TAF3: variants seen among roughly 807,000 people sequenced by gnomAD.
TAF3 encodes TATA-box binding protein associated factor 3, also known as transcription initiation factor TFIID subunit 3.
TAF3 carries 7 observed loss-of-function variants against 80.6 expected under a neutral mutation model. That is an observed-to-expected ratio of 0.09 (90% confidence interval 0.05 to 0.16). The LOEUF is 0.16. Ranked by LOEUF, TAF3 falls within the 10% of genes least tolerant of loss-of-function variation. The probability of loss-of-function intolerance (pLI) is 1.00; values close to 1 mark genes in which losing one functional copy is unlikely to be tolerated. For missense variants in TAF3, 921 were observed against 1,140.2 expected (o/e 0.81, Z 2.77); for synonymous variants, 444 against 446.1 (o/e 1.00, Z 0.06).
intron 2 of TAF3, among the ~76,000 whole-genome samples, chr10:7,851,508 C>CT (rs150789361): frequency 1.6e-4 from 24 of 149,304 alleles, no homozygotes; most frequent in South Asian, 4.2e-4. Flanking sequence ...GTTAAAACAA[C>CT]TTTTTTTTTT....
intron 2 of TAF3, among the ~76,000 whole-genome samples, chr10:7,903,134 C>T (rs779524140): frequency 2.6e-5 from 4 of 152,136 alleles, no homozygotes; most frequent in Non-Finnish European, 5.9e-5. Context: ...GTGGGAGGAT[C>T]GCTTGAGCCT....
At chr10:8,006,323 T>C (rs1006232262) in intron 4 of TAF3, among the ~76,000 whole-genome samples, 13 of 150,044 alleles carry the variant, frequency 8.7e-5, no homozygotes, top group African/African-American at 3.2e-4. Flanking sequence ...TTGCAGTGAG[T>C]CAAGACTGCG....
chr10:7,935,632 A>C (rs1253224132), intron 2 of TAF3, among the ~76,000 whole-genome samples: 4 of 152,172 alleles, frequency 2.6e-5, no homozygotes, highest in Admixed American at 2.6e-4. Context: ...GTAGAGGGCC[A>C]GAGAATACTG....
chr10:7,937,829 C>CT (rs560672305), intron 2 of TAF3, among the ~76,000 whole-genome samples: 1 of 152,122 alleles, frequency 6.6e-6, no homozygotes, highest in African/African-American at 2.4e-5. Context: ...AAAAGGGGTA[C>CT]TTTTTTTATG....
chr10:7,927,508 C>T (rs1438849704), intron 2 of TAF3, among the ~76,000 whole-genome samples: 1 of 152,198 alleles, frequency 6.6e-6, no homozygotes, highest in African/African-American at 2.4e-5. Context: ...TCCTTTCTTC[C>T]CTCCTCCACC....
chr10:7,901,835 G>A (rs1837561157), intron 2 of TAF3, among the ~76,000 whole-genome samples: 1 of 152,090 alleles, frequency 6.6e-6, no homozygotes, highest in Non-Finnish European at 1.5e-5. Context: ...TCAGAAAATA[G>A]GTATTTTCAT....
At chr10:7,833,543 G>A (rs925471298) in intron 2 of TAF3, 1 of 153,334 alleles carries the variant, frequency 6.5e-6, no homozygotes, top group Admixed American at 6.5e-5. Flanking sequence ...TCTTTCTGTA[G>A]GGTTTTCTTT....
chr10:7,824,284 C>T, intron 1 of TAF3, 34 bp from the exon 2 acceptor site: 2 of 1,576,970 alleles, frequency 1.3e-6, no homozygotes, highest in South Asian at 1.2e-5. Context: ...GGGATTTCTT[C>T]AAATAATTTG....
intron 2 of TAF3, among the ~76,000 whole-genome samples, chr10:7,959,042 A>T (rs1838164088): frequency 6.6e-6 from 1 of 152,040 alleles, no homozygotes; most frequent in African/African-American, 2.4e-5. Context: ...TGGGAGGCTG[A>T]GGCAGGAGAA....
At chr10:7,973,324 A>G (rs1831638336) in intron 3 of TAF3, among the ~76,000 whole-genome samples, 1 of 152,232 alleles carries the variant, frequency 6.6e-6, no homozygotes. Flanking sequence ...CGAGCTTAAG[A>G]AAAGGTTATT....
intron 2 of TAF3, among the ~76,000 whole-genome samples, chr10:7,944,073 A>AT (rs1033015977): frequency 7.2e-6 from 1 of 139,730 alleles, no homozygotes; most frequent in Admixed American, 7.2e-5. Flanking sequence ...TTATTCACTG[A>AT]TTTTTTAAAA....
intron 4 of TAF3, among the ~76,000 whole-genome samples, chr10:7,995,446 G>A (rs532635079): frequency 3.0e-4 from 45 of 152,134 alleles, no homozygotes; most frequent in Non-Finnish European, 5.3e-4. Flanking sequence ...TGCCATTTTG[G>A]TTTCCTTTTT....
chr10:7,854,081 T>A (rs976291431), intron 2 of TAF3, among the ~76,000 whole-genome samples: 1 of 152,188 alleles, frequency 6.6e-6, no homozygotes, highest in South Asian at 2.1e-4. Context: ...TACCAGCATA[T>A]CTCTCAATAC....
chr10:7,964,589 A>C lies in TAF3; in HGVS notation c.1079A>C (p.Lys360Thr). 1 of 1,614,124 alleles carries C rather than the reference A, an allele frequency of 6.2e-7. No individual in the cohort carries two copies. The highest frequency in any genetic ancestry group is 8.5e-7 in the Non-Finnish European group (1 of 1,180,014). ...EKISKETIQVKQIQTPPDAGK... is the reference protein window; with the variant it reads ...EKISKETIQVTQIQTPPDAGK... The stretch of plus-strand genomic sequence containing the variant: ...ATCAGTAAAGAGACTATCCAGGTAA[A>C]ACAAATACAGACACCCCCTGATGCT... The change falls in exon 3 of 7, where the codon AAA (lysine) becomes ACA (threonine). Residue 360 changes from lysine to threonine, a missense_variant. Around this residue, in one of 6 missense-constraint regions of TAF3, gnomAD observed 743 missense variants for 821.0 expected, o/e 0.90. Transcript: ENST00000344293. The surrounding 1 kb of genome is among the most constrained non-coding windows in gnomAD (Gnocchi z 4.1).
intron 3 of TAF3, among the ~76,000 whole-genome samples, chr10:7,969,009 T>G (rs1185414238): frequency 6.6e-6 from 1 of 152,182 alleles, no homozygotes; most frequent in East Asian, 1.9e-4. Flanking sequence ...CATTAACTTT[T>G]TATAAAACAC....
chr10:7,918,442 T>C (rs1837732673), intron 2 of TAF3, among the ~76,000 whole-genome samples: 1 of 152,060 alleles, frequency 6.6e-6, no homozygotes, highest in African/African-American at 2.4e-5. Flanking sequence ...GCCAGGTGAC[T>C]GTGATGTTGA....
intron 2 of TAF3, among the ~76,000 whole-genome samples, chr10:7,931,010 G>T (rs536871437): frequency 6.6e-6 from 1 of 152,222 alleles, no homozygotes; most frequent in African/African-American, 2.4e-5. Flanking sequence ...AACTTAATTT[G>T]ACTCTACAGT....
chr10:7,947,365 G>C (rs1838035551), intron 2 of TAF3, among the ~76,000 whole-genome samples: 2 of 152,180 alleles, frequency 1.3e-5, no homozygotes, highest in African/African-American at 4.8e-5. Context: ...TTAGACTCTG[G>C]GAATAGTCTA....
chr10:7,985,993 A>G (rs772009906), intron 4 of TAF3, among the ~76,000 whole-genome samples: 17 of 152,042 alleles, frequency 1.1e-4, no homozygotes, highest in Non-Finnish European at 2.1e-4. Context: ...CTTGTTGGCC[A>G]GGCTGGCCTC....
Sources: allele counts gnomAD v4.1 joint callset (sites outside exome capture counted in the v4.1 genomes callset), GRCh38; gene constraint gnomAD v4.1.1; regional missense constraint gnomAD v4.1.1; non-coding constraint Gnocchi (gnomAD v3.1); transcripts MANE v1.5; gene names NCBI Gene and HGNC (gene_info 2026-07-23, HGNC 2026-07-21).